Variants in ZMYND11 observed in about 807,000 individuals in gnomAD.
The protein encoded by ZMYND11 is zinc finger MYND domain-containing protein 11.
ZMYND11 carries 9 observed loss-of-function variants against 84.9 expected under a neutral mutation model. That is an observed-to-expected ratio of 0.11 (90% CI 0.06 to 0.18). ZMYND11 has a LOEUF of 0.18. Ranked by LOEUF, ZMYND11 falls within the 10% of genes least tolerant of loss-of-function variation. ZMYND11 has a pLI of 1.00. For missense variants in ZMYND11, 409 were observed against 761.0 expected, an observed-to-expected ratio of 0.54 and a Z score of 5.44; for synonymous variants, 250 against 244.1, an observed-to-expected ratio of 1.02 and a Z score of -0.23.
chr10:249,093 A>C lies in ZMYND11; in HGVS notation c.1686+5A>C. On this transcript the variant is annotated splice_donor_5th_base_variant and intron_variant, in intron 14 of 14. Coordinates refer to ENST00000381604, the MANE Select transcript of ZMYND11 (RefSeq NM_001370100.5). Reference sequence around the variant, plus strand: ...CAGACCAAGAAGAAGCAGTGGGTAAATACCAGTCTTTTTTAGACCCTTATT... The same window carrying C: ...CAGACCAAGAAGAAGCAGTGGGTAACTACCAGTCTTTTTTAGACCCTTATT... 1 of 1,614,180 alleles carries C rather than the reference A, an allele frequency of 6.2e-7. No homozygotes were observed. Among genetic ancestry groups the C allele is most frequent in the South Asian group, 1.1e-5 (1 of 91,086 alleles).
intron 5 of ZMYND11, 28 bp from the exon 6 acceptor site, chr10:237,557 T>G (rs187245315): frequency 7.6e-6 from 11 of 1,443,716 alleles, no homozygotes; most frequent in Non-Finnish European, 1.1e-5. Context: ...TTAACCACAT[T>G]TAAATTGATG....
chr10:170,152 C>T (rs1844949408), intron 1 of ZMYND11, among the ~76,000 whole-genome samples: 2 of 151,970 alleles, frequency 1.3e-5, no homozygotes, highest in African/African-American at 2.4e-5. Flanking sequence ...AAAACCCCAC[C>T]AACCTAGGAT....
chr10:133,849 ACT>A (rs1371417304), upstream of ZMYND11, among the ~76,000 whole-genome samples: 4 of 152,048 alleles, frequency 2.6e-5, no homozygotes, highest in African/African-American at 7.3e-5. Flanking sequence ...ATAATCAAAA[ACT>A]CTCTGGGATG....
At chr10:156,722 G>A (rs559410699) in intron 1 of ZMYND11, among the ~76,000 whole-genome samples, 5 of 152,302 alleles carry the variant, frequency 3.3e-5, no homozygotes, top group Non-Finnish European at 7.4e-5. Flanking sequence ...ATTCACTTGA[G>A]AAGTAACATA....
At chr10:200,765 G>A (rs930712560) in intron 2 of ZMYND11, among the ~76,000 whole-genome samples, 1 of 152,080 alleles carries the variant, frequency 6.6e-6, no homozygotes, top group Non-Finnish European at 1.5e-5. Context: ...ACTACATTGA[G>A]AATAATTATT....
intron 1 of ZMYND11, among the ~76,000 whole-genome samples, chr10:151,881 AC>A (rs1840458967): frequency 6.6e-6 from 1 of 152,226 alleles, no homozygotes. Flanking sequence ...CAGAAACTCT[AC>A]AAGCCAGAAG....
At chr10:241,930 A>G in intron 9 of ZMYND11, 91 bp from the exon 10 acceptor site, 1 of 1,431,204 alleles carries the variant, frequency 7.0e-7, no homozygotes, top group South Asian at 1.3e-5. Context: ...TTTAGAAATA[A>G]TGGATTATAT....
Position 183,855 on chromosome 10 carries a change from C to G in ZMYND11, c.116+3727C>G, listed in dbSNP as rs550415464. Among the ~76,000 whole-genome samples, 281 of 152,258 alleles carry G rather than the reference C, an allele frequency of 1.8e-3. 1 individual carries two copies. The highest frequency in any genetic ancestry group is 3.4e-3 in the Non-Finnish European group (228 of 68,024). Reference sequence around the variant, plus strand: ...TCTGCTTGTTATGAACAAGATGTTTCAGGATCTTCTTGTACATATCCTGCC... The same window carrying G: ...TCTGCTTGTTATGAACAAGATGTTTGAGGATCTTCTTGTACATATCCTGCC... On this transcript the variant is annotated intron_variant, in intron 2 of 14. Transcript: ENST00000381604.
chr10:164,068 C>T (rs1360050537), intron 1 of ZMYND11, among the ~76,000 whole-genome samples: 1 of 152,086 alleles, frequency 6.6e-6, no homozygotes, highest in African/African-American at 2.4e-5. Context: ...ACTGTGTTCC[C>T]CTCACACCCT....
intron 3 of ZMYND11, among the ~76,000 whole-genome samples, chr10:210,742 G>A (rs764677699): frequency 5.3e-5 from 8 of 151,682 alleles, no homozygotes; most frequent in African/African-American, 1.5e-4. Flanking sequence ...TTTTTCTTAC[G>A]TAAAGATTGA....
intron 2 of ZMYND11, among the ~76,000 whole-genome samples, chr10:187,141 G>A (rs1938833111): frequency 6.6e-6 from 1 of 151,742 alleles, no homozygotes. Flanking sequence ...AGGGAGGATC[G>A]CTTGAGCCCA....
At chr10:208,005 TATCTG>T (rs1944499675) in intron 2 of ZMYND11, among the ~76,000 whole-genome samples, 2 of 152,142 alleles carry the variant, frequency 1.3e-5, no homozygotes, top group Admixed American at 1.3e-4. Flanking sequence ...TATCTACAAC[TATCTG>T]ATCTTTGACA....
intron 1 of ZMYND11, among the ~76,000 whole-genome samples, chr10:173,941 C>T (rs548177401): frequency 2.6e-5 from 4 of 152,250 alleles, no homozygotes; most frequent in African/African-American, 7.2e-5. Flanking sequence ...TAGAAGCGCT[C>T]AGTCATTGCT....
chr10:237,049 G>A lies in ZMYND11; in HGVS notation c.516+134G>A. 7.8e-6 allele frequency: 6 copies of A among 774,070 alleles called. No homozygotes were observed. The South Asian group carries it at 1.2e-4, about 15-fold the overall frequency. 48.0% of individuals were successfully genotyped at this position (774,070 alleles called of 1,614,324 possible). A position where few individuals can be genotyped will look rare whatever the true frequency, so the allele number is the denominator to read the frequency against. On this transcript the variant is annotated intron_variant, in intron 5 of 14. Transcript: ENST00000381604. ...TGAAGTGTGGAGAGCACCCCGTCAT[G>A]TCATATTTCTTTTTTGCAGTAAACA...
At chr10:200,097 C>G (rs1365748443) in intron 2 of ZMYND11, among the ~76,000 whole-genome samples, 3 of 151,298 alleles carry the variant, frequency 2.0e-5, no homozygotes, top group Admixed American at 1.3e-4. Flanking sequence ...ATGATGAATA[C>G]ACACCATTTC....
chr10:250,072 G>A (rs1056530594), intron 14 of ZMYND11, among the ~76,000 whole-genome samples: 4 of 152,170 alleles, frequency 2.6e-5, no homozygotes, highest in Non-Finnish European at 4.4e-5. Context: ...CGTGCTTTCC[G>A]AATAACTTTT....
At chr10:247,595 A>C (rs1952418337) in intron 12 of ZMYND11, 129 bp downstream of exon 12, 1 of 983,496 alleles carries the variant, frequency 1.0e-6, no homozygotes, top group South Asian at 1.5e-5. Flanking sequence ...AGCTGCTGTC[A>C]GTCAAATCAT....
At chr10:232,808 A>G (rs1034463244) in intron 4 of ZMYND11, among the ~76,000 whole-genome samples, 5 of 152,216 alleles carry the variant, frequency 3.3e-5, no homozygotes, top group Non-Finnish European at 7.3e-5. Context: ...GAAAAAACCA[A>G]CCCAAATACT....
chr10:227,343 T>G (rs903455779), intron 4 of ZMYND11, among the ~76,000 whole-genome samples: 3 of 152,190 alleles, frequency 2.0e-5, no homozygotes, highest in Admixed American at 2.0e-4. Context: ...ACTTTAAAAA[T>G]GGACTCAGGA....
Sources: allele counts gnomAD v4.1 joint callset (sites outside exome capture counted in the v4.1 genomes callset), GRCh38; gene constraint gnomAD v4.1.1; transcripts MANE v1.5; gene names NCBI Gene and HGNC (gene_info 2026-07-23, HGNC 2026-07-21).